Variants in FOXN4 observed in about 807,000 individuals in gnomAD.
FOXN4 encodes the protein forkhead box N4.
In FOXN4, 12 loss-of-function variants were observed where a neutral mutation model predicts 45.0. The observed-to-expected ratio is 0.27, with a 90% CI of 0.17 to 0.43. FOXN4 has a LOEUF of 0.43. Among genes scored for constraint, FOXN4 ranks in the 20% least tolerant of loss-of-function variants. FOXN4 has a pLI of 1.00. For missense variants in FOXN4, 560 were observed against 694.9 expected, an observed-to-expected ratio of 0.81 and a Z score of 2.18; for synonymous variants, 297 against 295.0, an observed-to-expected ratio of 1.01 and a Z score of -0.07.
Position 109,279,526 on chromosome 12 carries a change from CT to C in FOXN4, c.*144del. The C allele has an allele frequency of 7.8e-7, 1 of 1,276,648 alleles. No homozygotes were observed. Among genetic ancestry groups the C allele is most frequent in the Non-Finnish European group, 1.1e-6 (1 of 938,414 alleles). 79.1% of individuals were successfully genotyped at this position (1,276,648 alleles called of 1,614,324 possible). A position where few individuals can be genotyped will look rare whatever the true frequency, so the allele number is the denominator to read the frequency against. ...GGAGAGGGGCTGCTGAGGGGAACCG[CT>C]TCCCTGTCCAGCCGGCAACTTCGCC... On this transcript the variant is annotated 3_prime_UTR_variant, in exon 10 of 10. Coordinates refer to ENST00000299162, the MANE Select transcript of FOXN4 (RefSeq NM_213596.3).
At chr12:109,308,154 G>A in intron 2 of FOXN4, 82 bp downstream of exon 2, 2 of 1,098,110 alleles carry the variant, frequency 1.8e-6, no homozygotes, top group Non-Finnish European at 2.6e-6. Context: ...ATAGTTCTTG[G>A]GCAGTTTCAG....
At chr12:109,297,552 G>A (rs2047829111) in intron 2 of FOXN4, among the ~76,000 whole-genome samples, 1 of 152,116 alleles carries the variant, frequency 6.6e-6, no homozygotes, top group Admixed American at 6.5e-5. Context: ...TGGCCTGGCT[G>A]GCCTTGAACT....
rs2047736513 is a variant in FOXN4 at position 109,288,443 on chromosome 12, A to G, written c.233-263T>C. 6.6e-6 allele frequency among the ~76,000 whole-genome samples: 1 copy of G among 152,208 alleles called. No homozygotes were observed. The highest frequency in any genetic ancestry group is 2.4e-5 in the African/African-American group (1 of 41,450). On this transcript the variant is annotated intron_variant, in intron 3 of 9. Transcript: ENST00000299162. This position sits in a 1 kb window ranked among gnomAD's most constrained non-coding sequence, Gnocchi z 4.3. ...TAACTATAAATCTGCTGTGAGGGTT[A>G]AATGAGATAATGTCTATCAAGTGCT...
At chr12:109,307,839 T>C (rs1298626483) in intron 2 of FOXN4, among the ~76,000 whole-genome samples, 1 of 152,100 alleles carries the variant, frequency 6.6e-6, no homozygotes, top group Non-Finnish European at 1.5e-5. Context: ...TCTTAACATC[T>C]GTGGAGGATA....
intron 2 of FOXN4, among the ~76,000 whole-genome samples, chr12:109,294,393 T>C (rs2047797362): frequency 6.6e-6 from 1 of 151,984 alleles, no homozygotes; most frequent in Non-Finnish European, 1.5e-5. Flanking sequence ...ACTGTGTGAC[T>C]GACTTTTGGC....
chr12:109,297,670 G>A (rs1180290687), intron 2 of FOXN4, among the ~76,000 whole-genome samples: 3 of 152,144 alleles, frequency 2.0e-5, no homozygotes, highest in African/African-American at 2.4e-5. Context: ...GATGATATGA[G>A]GTGAAACAGT....
At chr12:109,306,548 T>G (rs1236352263) in intron 2 of FOXN4, among the ~76,000 whole-genome samples, 1 of 152,210 alleles carries the variant, frequency 6.6e-6, no homozygotes, top group East Asian at 1.9e-4. Flanking sequence ...CTGGATACAT[T>G]CAGTGCCTGC....
intron 8 of FOXN4, among the ~76,000 whole-genome samples, chr12:109,284,659 CGT>C (rs1565998086): frequency 6.6e-6 from 1 of 150,576 alleles, no homozygotes; most frequent in East Asian, 2.0e-4. Flanking sequence ...TCCTCTTCCA[CGT>C]GTGTGTGCGC....
At position 109,288,751 on chromosome 12, in the gene FOXN4, T is replaced by G. The variant is rs1236539692; in HGVS notation, c.233-571A>C. Among the ~76,000 whole-genome samples, 1 of 152,212 alleles carries G rather than the reference T, an allele frequency of 6.6e-6. No homozygotes were observed. The highest frequency in any genetic ancestry group is 6.5e-5 in the Admixed American group (1 of 15,282). Reference sequence around the variant, plus strand: ...ACAGACATTGCTAATCTATCACAGATTCTTACTGCTCTAGCCTGATTTTAG... The same window carrying G: ...ACAGACATTGCTAATCTATCACAGAGTCTTACTGCTCTAGCCTGATTTTAG... On this transcript the variant is annotated intron_variant, in intron 3 of 9. Transcript: ENST00000299162. This position sits in a 1 kb window ranked among gnomAD's most constrained non-coding sequence, Gnocchi z 4.3.
chr12:109,292,331 T>A (rs2047777003), intron 2 of FOXN4, among the ~76,000 whole-genome samples: 1 of 152,072 alleles, frequency 6.6e-6, no homozygotes, highest in Non-Finnish European at 1.5e-5. Context: ...GGAGGGGCTA[T>A]AAATAACCCA....
intron 2 of FOXN4, among the ~76,000 whole-genome samples, chr12:109,293,603 T>C (rs949820431): frequency 6.6e-6 from 1 of 152,192 alleles, no homozygotes; most frequent in Non-Finnish European, 1.5e-5. Flanking sequence ...GTTCAAGCGA[T>C]TCTCCTGCCT....
rs925699653 is a variant in FOXN4 at position 109,291,578 on chromosome 12, C to T, written c.87-1292G>A. 1.2e-4 allele frequency among the ~76,000 whole-genome samples: 19 copies of T among 152,160 alleles called. No homozygotes were observed. Among genetic ancestry groups the T allele is most frequent in the African/African-American group, 4.6e-4 (19 of 41,538 alleles). On this transcript the variant is annotated intron_variant, in intron 2 of 9. Transcript: ENST00000299162. The surrounding 1 kb of genome is among the most constrained non-coding windows in gnomAD (Gnocchi z 6.6). The stretch of plus-strand genomic sequence containing the variant: ...TCTGCCTCACGTTCTCCCTCTCCCT[C>T]CTCCTCCCTGTCTCTCTCTCTGCTC...
chr12:109,285,266 TGTGTGTGTGC>T (rs746308368), intron 8 of FOXN4, 28 bp downstream of exon 8: 3 of 1,553,956 alleles, frequency 1.9e-6, no homozygotes, highest in East Asian at 2.4e-5. Flanking sequence ...TGTGTGTGTG[TGTGTGTGTGC>T]GCGCACTGCG....
Position 109,288,191 on chromosome 12 carries a change from G to C in FOXN4, c.233-11C>G, listed in dbSNP as rs2047734088. 1 of 1,546,928 alleles carries C rather than the reference G, an allele frequency of 6.5e-7. No homozygotes were observed. Among genetic ancestry groups the C allele is most frequent in the Non-Finnish European group, 8.7e-7 (1 of 1,146,238 alleles). On this transcript the variant is annotated splice_polypyrimidine_tract_variant and intron_variant, in intron 3 of 9. Coordinates refer to ENST00000299162, the MANE Select transcript of FOXN4 (RefSeq NM_213596.3). This position sits in a 1 kb window ranked among gnomAD's most constrained non-coding sequence, Gnocchi z 4.3. Reference sequence around the variant, plus strand: ...CCCCAGCCAAGGCACCTGCCGGAGAGAAGCACAGAGACGCTGCTGGGCTGG... The same window carrying C: ...CCCCAGCCAAGGCACCTGCCGGAGACAAGCACAGAGACGCTGCTGGGCTGG...
rs373220090 is a variant in FOXN4 at position 109,285,422 on chromosome 12, G to C, written c.783C>G (p.Ser261=). The C allele has an allele frequency of 2.6e-4, 421 of 1,613,910 alleles. No individual in the cohort carries two copies. The highest frequency in any genetic ancestry group is 3.4e-4 in the Non-Finnish European group (406 of 1,179,914). ...GAGCCCACAGGCAGCCCTTGCGGGA[G>C]GAGCCGCTCATCTTGTTCTCCACCT... The part of the protein sequence containing the change: ...FEKVENKMSG[S]SRKGCLWALN... Residue 261 remains serine, a synonymous_variant, in exon 8 of 10, where the codon TCC becomes TCG. Coordinates refer to ENST00000299162, the MANE Select transcript of FOXN4 (RefSeq NM_213596.3).
intron 2 of FOXN4, among the ~76,000 whole-genome samples, chr12:109,299,669 G>T (rs181121798): frequency 1.3e-5 from 2 of 152,230 alleles, no homozygotes; most frequent in Non-Finnish European, 2.9e-5. Context: ...TTGAAGGGAC[G>T]GAACACATGG....
chr12:109,295,265 C>A (rs2047806514), intron 2 of FOXN4, among the ~76,000 whole-genome samples: 1 of 152,190 alleles, frequency 6.6e-6, no homozygotes, highest in Non-Finnish European at 1.5e-5. Flanking sequence ...AGTTTCTCCT[C>A]TACTGGAAAA....
At chr12:109,293,297 G>A (rs548116366) in intron 2 of FOXN4, among the ~76,000 whole-genome samples, 27 of 152,270 alleles carry the variant, frequency 1.8e-4, no homozygotes, top group African/African-American at 6.3e-4. Flanking sequence ...CTGCTACCCC[G>A]AGAGCAGCAC....
intron 8 of FOXN4, among the ~76,000 whole-genome samples, chr12:109,284,898 G>C (rs7976088): frequency 1.4e-5 from 2 of 146,962 alleles, no homozygotes; most frequent in Non-Finnish European, 3.0e-5. Flanking sequence ...GTGTGTATTG[G>C]TCTGTGTGTG....
Sources: allele counts gnomAD v4.1 joint callset (sites outside exome capture counted in the v4.1 genomes callset), GRCh38; gene constraint gnomAD v4.1.1; non-coding constraint Gnocchi (gnomAD v3.1); transcripts MANE v1.5; gene names NCBI Gene and HGNC (gene_info 2026-07-23, HGNC 2026-07-21).